ADCY8: variants seen among roughly 807,000 people sequenced by gnomAD.
The protein encoded by ADCY8 is adenylate cyclase 8, also known as adenylate cyclase type 8.
Under a neutral mutation model 119.7 loss-of-function variants are expected in ADCY8, and 51 were observed. The ratio of observed to expected loss-of-function variants is 0.43; its 90% CI spans 0.34 to 0.54. The LOEUF (loss-of-function observed/expected upper bound fraction) is 0.54. Among genes scored for constraint, ADCY8 ranks in the 20% least tolerant of loss-of-function variants. ADCY8 has a pLI of 0.03. For synonymous variants in ADCY8, 665 were observed against 651.0 expected (o/e 1.02, Z -0.33); for missense variants, 1,383 against 1,598.8 (o/e 0.87, Z 2.30).
intron 2 of ADCY8, among the ~76,000 whole-genome samples, chr8:130,964,461 G>C (rs1821701139): frequency 6.6e-6 from 1 of 152,262 alleles, no homozygotes; most frequent in Non-Finnish European, 1.5e-5. Context: ...TTAAATAAAA[G>C]ACTAAGTAAA....
chr8:131,011,084 AG>A, intron 1 of ADCY8, among the ~76,000 whole-genome samples: 1 of 152,262 alleles, frequency 6.6e-6, no homozygotes, highest in South Asian at 2.1e-4. Flanking sequence ...TGGAAAATCC[AG>A]TCTTCTGTGC....
At chr8:130,961,698 T>C (rs1821611488) in intron 2 of ADCY8, among the ~76,000 whole-genome samples, 1 of 152,182 alleles carries the variant, frequency 6.6e-6, no homozygotes, top group Non-Finnish European at 1.5e-5. Context: ...ACAGTGATTC[T>C]GTCTTCTTTG....
rs1586421510 is a variant in ADCY8, at chr8:130,796,464, C to G, written c.3060+3962G>C. On this transcript the variant is annotated intron_variant, in intron 15 of 17. Transcript: ENST00000286355. Reference sequence around the variant, plus strand: ...GTGCAAAGTTCAGCTTTTCTCTGAGCCAGGAAAGAATTTTGCATGATCTCA... The same window carrying G: ...GTGCAAAGTTCAGCTTTTCTCTGAGGCAGGAAAGAATTTTGCATGATCTCA... 4.6e-5 allele frequency among the ~76,000 whole-genome samples: 7 copies of G among 152,094 alleles called. 1 individual carries two copies. The highest frequency in any genetic ancestry group is 4.6e-4 in the Admixed American group (7 of 15,274).
chr8:130,794,076 G>C (rs984240290), intron 15 of ADCY8, among the ~76,000 whole-genome samples: 3 of 152,152 alleles, frequency 2.0e-5, no homozygotes, highest in Non-Finnish European at 4.4e-5. Flanking sequence ...AGGATGGAAA[G>C]AAATTGGAAT....
chr8:130,906,966 T>C (rs895608238), intron 6 of ADCY8, among the ~76,000 whole-genome samples: 1 of 151,976 alleles, frequency 6.6e-6, no homozygotes, highest in Non-Finnish European at 1.5e-5. Context: ...CCAAATCATA[T>C]TAGTGGTTAG....
intron 12 of ADCY8, among the ~76,000 whole-genome samples, chr8:130,827,874 T>C (rs1459079336): frequency 3.3e-5 from 5 of 152,190 alleles, no homozygotes; most frequent in Admixed American, 3.3e-4. Flanking sequence ...CAGGCATCTG[T>C]CAGCCAGTTA....
At chr8:130,886,759 CTGATA>C (rs1819000542) in intron 7 of ADCY8, among the ~76,000 whole-genome samples, 1 of 152,058 alleles carries the variant, frequency 6.6e-6, no homozygotes. Flanking sequence ...CTCTCACTGT[CTGATA>C]TTTTTATTTG....
chr8:131,033,925 A>G (rs1009144705), intron 1 of ADCY8, among the ~76,000 whole-genome samples: 5 of 152,234 alleles, frequency 3.3e-5, no homozygotes, highest in African/African-American at 9.6e-5. Context: ...TGACACTCAA[A>G]TCGGCTTTTG....
intron 3 of ADCY8, among the ~76,000 whole-genome samples, chr8:130,944,609 C>G (rs1480571001): frequency 1.3e-5 from 2 of 152,170 alleles, no homozygotes; most frequent in Non-Finnish European, 2.9e-5. Context: ...CCTTTACAAA[C>G]CCTTTTAAGA....
chr8:130,869,675 G>A (rs1313681817), intron 8 of ADCY8, among the ~76,000 whole-genome samples: 2 of 151,214 alleles, frequency 1.3e-5, no homozygotes, highest in Admixed American at 6.6e-5. Context: ...CTGCCACCAC[G>A]CCTGGCTATT....
At chr8:130,828,359 C>A (rs1034752509) in intron 12 of ADCY8, among the ~76,000 whole-genome samples, 1 of 152,196 alleles carries the variant, frequency 6.6e-6, no homozygotes, top group African/African-American at 2.4e-5. Flanking sequence ...GAGTGTCTCT[C>A]TCTGCCCTTG....
At chr8:130,841,260 C>T (rs1361760706) in intron 11 of ADCY8, among the ~76,000 whole-genome samples, 2 of 152,108 alleles carry the variant, frequency 1.3e-5, no homozygotes, top group Admixed American at 1.3e-4. Context: ...CTTAAATGAC[C>T]CAAGGACAGG....
intron 8 of ADCY8, among the ~76,000 whole-genome samples, chr8:130,873,567 G>T (rs546700045): frequency 7.9e-5 from 12 of 152,212 alleles, no homozygotes; most frequent in South Asian, 2.1e-4. Flanking sequence ...TGATCTGCTC[G>T]CCTCAGCCTT....
chr8:130,787,429 G>A (rs1195082066), intron 15 of ADCY8, among the ~76,000 whole-genome samples: 1 of 152,128 alleles, frequency 6.6e-6, no homozygotes, highest in African/African-American at 2.4e-5. Flanking sequence ...ATGTAGATTT[G>A]TGTGTGTGTG....
chr8:130,850,050 T>C (rs532547320), intron 9 of ADCY8, among the ~76,000 whole-genome samples: 1 of 152,134 alleles, frequency 6.6e-6, no homozygotes, highest in African/African-American at 2.4e-5. Flanking sequence ...CTGCCCATTT[T>C]TTCCCTCTTA....
At chr8:130,956,898 C>T (rs1821444791) in intron 2 of ADCY8, among the ~76,000 whole-genome samples, 1 of 152,144 alleles carries the variant, frequency 6.6e-6, no homozygotes, top group African/African-American at 2.4e-5. Context: ...TGTGAGGCTT[C>T]CCCAGCCATG....
chr8:130,844,120 T>C (rs1341842393), intron 11 of ADCY8, among the ~76,000 whole-genome samples: 1 of 152,178 alleles, frequency 6.6e-6, no homozygotes, highest in African/African-American at 2.4e-5. Flanking sequence ...TACAGTGAAC[T>C]GTTTATTCAG....
At chr8:130,782,648 A>G (rs533286578) in intron 17 of ADCY8, among the ~76,000 whole-genome samples, 8 of 152,356 alleles carry the variant, frequency 5.3e-5, no homozygotes, top group Admixed American at 4.6e-4. Context: ...TGTGTAGTCA[A>G]CAATTTCAGA....
chr8:131,008,807 T>C (rs534501429), intron 1 of ADCY8, among the ~76,000 whole-genome samples: 6 of 152,206 alleles, frequency 3.9e-5, no homozygotes, highest in African/African-American at 4.8e-5. Flanking sequence ...GATAGTGATA[T>C]GGACAATGAA....
Sources: gnomAD v4.1 joint callset for allele counts (sites outside exome capture counted in the v4.1 genomes callset) on GRCh38, gnomAD v4.1.1 for gene constraint, MANE v1.5 for transcripts, NCBI Gene and HGNC (gene_info 2026-07-23, HGNC 2026-07-21) for gene names.